Variants in GLYR1 observed in about 807,000 individuals in gnomAD.
GLYR1 encodes cytokine-like nuclear factor N-PAC.
A neutral mutation model predicts 72.7 loss-of-function variants in GLYR1; 21 were observed. That is an observed-to-expected ratio of 0.29 (90% CI 0.20 to 0.42). The LOEUF (loss-of-function observed/expected upper bound fraction) is 0.42, where lower values mean the gene tolerates loss of function less well. Ranked by LOEUF, GLYR1 falls within the 10% of genes least tolerant of loss-of-function variation. GLYR1 has a pLI of 1.00. For synonymous variants in GLYR1, 392 were observed against 270.2 expected (o/e 1.45, Z -4.42); for missense variants, 594 against 712.1 (o/e 0.83, Z 1.89).
chr16:4,832,321 TG>T (rs1326570177), intron 4 of GLYR1, 100 bp from the exon 5 acceptor site: 6 of 1,402,728 alleles, frequency 4.3e-6, no homozygotes, highest in African/African-American at 1.4e-5. Context: ...GCACTCTGTG[TG>T]GTCTCCTCAC....
At position 4,812,149 on chromosome 16, in the gene GLYR1, T is replaced by G. The variant is rs776873609; in HGVS notation, c.1219A>C (p.Arg407=). 1.9e-6 allele frequency: 3 copies of G among 1,614,024 alleles called. No homozygotes were observed. The highest frequency in any genetic ancestry group is 2.7e-5 in the African/African-American group (2 of 74,918). The part of the protein sequence containing the change: ...GMLVILAAGD[R]GLYEDCSSCF... ...CTGCTGCAGTCCTCATATAAGCCCC[T>G]GTCTCCAGCCGCTAAGATCACCAAC... The change falls in exon 13 of 16, where the codon AGG becomes CGG. Residue 407 remains arginine (R), a synonymous_variant. Coordinates refer to ENST00000321919, the MANE Select transcript of GLYR1 (RefSeq NM_032569.4).
At chr16:4,836,863 G>C (rs1412681024) in intron 3 of GLYR1, among the ~76,000 whole-genome samples, 1 of 151,012 alleles carries the variant, frequency 6.6e-6, no homozygotes, top group African/African-American at 2.4e-5. Flanking sequence ...CTCTGCCCTA[G>C]AACACAGGCT....
In GLYR1 at chr16:4,805,149, C is replaced by T. The variant is rs1434177711; in HGVS notation, c.*87G>A. The T allele has an allele frequency of 3.8e-5, 41 of 1,092,854 alleles. No homozygotes were observed. Among genetic ancestry groups the T allele is most frequent in the Middle Eastern group, 4.0e-4 (2 of 5,020 alleles). The allele number at this position is 1,092,854 out of a possible 1,614,324, so 67.7% of individuals were successfully genotyped here. On this transcript the variant is annotated 3_prime_UTR_variant, in exon 16 of 16. Coordinates refer to ENST00000321919, the MANE Select transcript of GLYR1 (RefSeq NM_032569.4). ...GGAAATGGAGATAGGTGGGCTGGTC[C>T]AGAATGAACTCCCAGGCCCCCGACC...
At chr16:4,823,771 G>A (rs1173205270) in intron 6 of GLYR1, 50 bp downstream of exon 6, 21 of 1,333,190 alleles carry the variant, frequency 1.6e-5, no homozygotes, top group Non-Finnish European at 2.1e-5. Flanking sequence ...GATCACACAG[G>A]AACCTCGCCC....
chr16:4,811,446 A>C, intron 14 of GLYR1, 152 bp from the exon 15 acceptor site: 3 of 1,267,652 alleles, frequency 2.4e-6, no homozygotes, highest in Non-Finnish European at 3.3e-6. Flanking sequence ...TAGACACCTG[A>C]GGGCTGCAGC....
intron 3 of GLYR1, among the ~76,000 whole-genome samples, chr16:4,837,932 AAAATAAATAAATAAAT>A (rs59357306): frequency 1.0e-3 from 142 of 142,508 alleles, no homozygotes; most frequent in African/African-American, 2.2e-3. Context: ...TCCATCTCAA[AAAATAAATAAATAAAT>A]AAATAAATAA....
chr16:4,807,202 C>T (rs62036090), intron 15 of GLYR1, among the ~76,000 whole-genome samples: 12,651 of 151,160 alleles, frequency 0.084, 777 homozygotes, highest in East Asian at 0.23. Flanking sequence ...ACCTCCGCCT[C>T]CTGGGTTCAA....
In GLYR1 at chr16:4,821,370, A is replaced by C. The variant is rs763859550; in HGVS notation, c.806+10T>G. The C allele has an allele frequency of 6.2e-7, 1 of 1,612,482 alleles. No homozygotes were observed. ...AGAGCCACTGGAGGCCTTTTCATCA[A>C]AGGTCCTACTTTTTGTCTGTGGGTG... On this transcript the variant is annotated intron_variant, in intron 9 of 15. Coordinates refer to ENST00000321919, the MANE Select transcript of GLYR1 (RefSeq NM_032569.4).
intron 9 of GLYR1, among the ~76,000 whole-genome samples, chr16:4,820,556 C>A (rs2083947189): frequency 6.6e-6 from 1 of 151,994 alleles, no homozygotes; most frequent in African/African-American, 2.4e-5. Flanking sequence ...ACCTAATATG[C>A]CCTTATCTCC....
At chr16:4,839,596 T>C (rs922307548) in intron 3 of GLYR1, 3 of 152,216 alleles carry the variant, frequency 2.0e-5, no homozygotes, top group Admixed American at 6.5e-5. Context: ...AGTTTTGTCT[T>C]GGCCATCTCG....
At chr16:4,821,254 C>T in intron 9 of GLYR1, 126 bp downstream of exon 9, 2 of 915,064 alleles carry the variant, frequency 2.2e-6, no homozygotes, top group Admixed American at 2.0e-5. Context: ...ACAACATCCC[C>T]CCACCTTTTC....
At chr16:4,824,423 C>T (rs772257362) in intron 5 of GLYR1, among the ~76,000 whole-genome samples, 77 of 144,038 alleles carry the variant, frequency 5.3e-4, no homozygotes, top group Non-Finnish European at 7.9e-4. Flanking sequence ...TCGCTTGAAC[C>T]GGGGAGGTGG....
chr16:4,811,834 C>A, intron 13 of GLYR1, 32 bp from the exon 14 acceptor site: 1 of 1,594,808 alleles, frequency 6.3e-7, no homozygotes, highest in South Asian at 1.1e-5. Context: ...GGTCACAGCC[C>A]AAGAATGCCA....
chr16:4,813,705 T>C (rs1451313939), intron 12 of GLYR1, 32 bp downstream of exon 12: 1 of 1,540,634 alleles, frequency 6.5e-7, no homozygotes, highest in South Asian at 1.2e-5. Flanking sequence ...ATAGAAAAGA[T>C]GCTGGAGAGC....
In GLYR1 at chr16:4,816,806, T is replaced by C. The variant is rs145723841; in HGVS notation, c.906+792A>G. Among the ~76,000 whole-genome samples, 60 of 152,156 alleles carry C rather than the reference T, an allele frequency of 3.9e-4. No homozygotes were observed. In the East Asian group the frequency reaches 0.011, roughly 29 times the overall value. On this transcript the variant is annotated intron_variant, in intron 10 of 15. Transcript: ENST00000321919. ...TTCGAGACCAGCCTGGCTAACATGGTGAAACCCCTTCTCTACTAAAAATAC... is the reference window on the plus strand; with the variant it reads ...TTCGAGACCAGCCTGGCTAACATGGCGAAACCCCTTCTCTACTAAAAATAC...
In GLYR1 at chr16:4,826,789, A is replaced by G. The variant is rs374714576; in HGVS notation, c.538-2882T>C. ...AGAAGCTGCATTTTAATGTGCATTT[A>G]ATTTCAATTTAAATGGCCAATTGTG... On this transcript the variant is annotated intron_variant, in intron 5 of 15. Coordinates refer to ENST00000321919, the MANE Select transcript of GLYR1 (RefSeq NM_032569.4). Among the ~76,000 whole-genome samples the G allele has an allele frequency of 5.9e-5, 9 of 152,308 alleles. No individual in the cohort carries two copies. In the East Asian group the frequency reaches 9.6e-4, roughly 16 times the overall value.
chr16:4,814,064 T>TA (rs77652993), intron 11 of GLYR1: 23,022 of 316,580 alleles, frequency 0.073, 17 homozygotes, highest in Middle Eastern at 0.096. Context: ...TCTTTTTATT[T>TA]AAAAAAAAAA....
At chr16:4,835,193 A>G (rs1478055292) in intron 3 of GLYR1, among the ~76,000 whole-genome samples, 1 of 151,988 alleles carries the variant, frequency 6.6e-6, no homozygotes, top group Non-Finnish European at 1.5e-5. Context: ...CCATCCTGCT[A>G]CCTCCATCCC....
Position 4,805,047 on chromosome 16 carries a change from G to T in GLYR1, c.*189C>A. On this transcript the variant is annotated 3_prime_UTR_variant, in exon 16 of 16. Transcript: ENST00000321919. ...CCACACGCCAATCCTGCTGACACTT[G>T]TCCCCTCCCCACCGGCCTCAGGGGA... is the stretch of plus-strand genomic sequence containing the variant. The T allele has an allele frequency of 1.7e-6, 1 of 606,038 alleles. No homozygotes were observed. The highest frequency in any genetic ancestry group is 2.8e-5 in the East Asian group (1 of 35,558). The allele number at this position is 606,038 out of a possible 1,614,324, so 37.5% of individuals were successfully genotyped here.
Sources: gnomAD v4.1 joint callset for allele counts (sites outside exome capture counted in the v4.1 genomes callset) on GRCh38, gnomAD v4.1.1 for gene constraint, MANE v1.5 for transcripts, NCBI Gene and HGNC (gene_info 2026-07-23, HGNC 2026-07-21) for gene names.